The following BABAM2 variants were observed in gnomAD, a reference collection of about 807,000 sequenced individuals.
The protein encoded by BABAM2 is BRISC and BRCA1 A complex member 2.
BABAM2 carries 31 observed loss-of-function variants against 54.7 expected under a neutral mutation model. That is an observed-to-expected ratio of 0.57 (90% CI 0.43 to 0.77). The LOEUF (loss-of-function observed/expected upper bound fraction) is 0.77. Ranked by LOEUF, BABAM2 falls within the 30% of genes least tolerant of loss-of-function variation. The pLI is 0.00. For synonymous variants in BABAM2, 167 were observed against 162.9 expected, an observed-to-expected ratio of 1.03 and a Z score of -0.19; for missense variants, 364 against 455.8, an observed-to-expected ratio of 0.80 and a Z score of 1.83.
At chr2:27,962,030 C>G (rs917059289) in intron 3 of BABAM2, among the ~76,000 whole-genome samples, 5 of 151,974 alleles carry the variant, frequency 3.3e-5, no homozygotes, top group African/African-American at 1.2e-4. Flanking sequence ...ATGCCTGGCC[C>G]CCCTTAATTA....
At chr2:28,266,670 G>A (rs865959727) in intron 10 of BABAM2, among the ~76,000 whole-genome samples, 2 of 152,226 alleles carry the variant, frequency 1.3e-5, no homozygotes, top group African/African-American at 2.4e-5. Context: ...TAAAAGGTTG[G>A]CATTGTCACA....
At chr2:28,223,875 G>C (rs1573876899) in intron 7 of BABAM2, among the ~76,000 whole-genome samples, 1 of 152,148 alleles carries the variant, frequency 6.6e-6, no homozygotes, top group Non-Finnish European at 1.5e-5. Flanking sequence ...TCTCCACCCT[G>C]AGATTCCAAT....
At chr2:27,974,746 G>T (rs946137410) in intron 3 of BABAM2, among the ~76,000 whole-genome samples, 34 of 152,016 alleles carry the variant, frequency 2.2e-4, no homozygotes, top group Admixed American at 2.0e-3. Flanking sequence ...ACTGGAAGTT[G>T]CAGGAAGTCA....
intron 7 of BABAM2, among the ~76,000 whole-genome samples, chr2:28,179,951 T>A (rs1639246325): frequency 6.6e-6 from 1 of 152,026 alleles, no homozygotes; most frequent in Admixed American, 6.6e-5. Context: ...AAAACATTGA[T>A]GAAAGAAATT....
At chr2:28,108,400 A>G (rs992324338) in intron 6 of BABAM2, among the ~76,000 whole-genome samples, 1 of 152,232 alleles carries the variant, frequency 6.6e-6, no homozygotes, top group African/African-American at 2.4e-5. Context: ...TCATTTATGC[A>G]TCGTGAAATG....
chr2:28,235,910 T>C (rs1430382213), intron 7 of BABAM2, among the ~76,000 whole-genome samples: 1 of 152,154 alleles, frequency 6.6e-6, no homozygotes, highest in African/African-American at 2.4e-5. Flanking sequence ...TTTGCCAACC[T>C]CAGCCTCCCA....
rs147815098 is a variant in BABAM2, at chr2:28,263,105, T to C, written c.934+18243T>C. Among the ~76,000 whole-genome samples the C allele has an allele frequency of 8.1e-4, 120 of 147,438 alleles. 1 individual carries two copies. The highest frequency in any genetic ancestry group is 2.5e-3 in the African/African-American group (100 of 39,612). On this transcript the variant is annotated intron_variant, in intron 10 of 11. Coordinates refer to ENST00000379624, the MANE Select transcript of BABAM2 (RefSeq NM_199191.3). Reference sequence around the variant, plus strand: ...AAAAAATATGGTATGATTCCACTTATTTGAGGTAACAGCAAGACACTGTCT... The same window carrying C: ...AAAAAATATGGTATGATTCCACTTACTTGAGGTAACAGCAAGACACTGTCT...
chr2:28,111,337 G>A (rs1668007646), intron 6 of BABAM2, among the ~76,000 whole-genome samples: 2 of 151,934 alleles, frequency 1.3e-5, no homozygotes, highest in African/African-American at 4.8e-5. Flanking sequence ...GCCCGTTTTT[G>A]AATTGAGGTT....
chr2:28,139,321 CAAAAAA>C (rs768755922), intron 7 of BABAM2, among the ~76,000 whole-genome samples: 15 of 87,082 alleles, frequency 1.7e-4, no homozygotes, highest in South Asian at 7.5e-4. Context: ...AACTCCGTCT[CAAAAAA>C]AAAAAAAAAA....
intron 3 of BABAM2, among the ~76,000 whole-genome samples, chr2:27,951,495 A>G (rs1328989332): frequency 6.6e-6 from 1 of 152,176 alleles, no homozygotes; most frequent in East Asian, 1.9e-4. Flanking sequence ...TGTATGACTT[A>G]CATCCTTTTA....
chr2:28,057,545 C>T (rs1678527574), intron 6 of BABAM2, among the ~76,000 whole-genome samples: 1 of 151,784 alleles, frequency 6.6e-6, no homozygotes, highest in African/African-American at 2.4e-5. Context: ...GAGTTTTCTT[C>T]ACCCACATCT....
At chr2:27,888,817 C>T (rs540444728), upstream of BABAM2, among the ~76,000 whole-genome samples, 42 of 152,226 alleles carry the variant, frequency 2.8e-4, no homozygotes, top group African/African-American at 8.9e-4. Flanking sequence ...TGACCACATA[C>T]GGCTTGCAAA....
intron 7 of BABAM2, among the ~76,000 whole-genome samples, chr2:28,130,904 T>C (rs1027971719): frequency 3.3e-5 from 5 of 151,856 alleles, no homozygotes; most frequent in African/African-American, 1.2e-4. Context: ...CACGCCCAGC[T>C]AATTTTTTGT....
intron 3 of BABAM2, among the ~76,000 whole-genome samples, chr2:27,952,673 T>C (rs1669820529): frequency 6.6e-6 from 1 of 152,170 alleles, no homozygotes; most frequent in Non-Finnish European, 1.5e-5. Context: ...TTGGGACATA[T>C]TATGGGTGCT....
At position 28,315,461 on chromosome 2, in the gene BABAM2, CTTTTCTTTTCTTTTCT is replaced by C. The variant is rs1442668240; in HGVS notation, c.1088+16974_1088+16989del. On this transcript the variant is annotated intron_variant, in intron 11 of 11. Transcript: ENST00000379624. ...CTTTTCTTTTCTTTTCTTTTCTTTT[CTTTTCTTTTCTTTTCT>C]TTTCTTTTCGAGACAGAGTCTCACT... Among the ~76,000 whole-genome samples, 3 of 126,838 alleles carry C rather than the reference CTTTTCTTTTCTTTTCT, an allele frequency of 2.4e-5. No individual in the cohort carries two copies. The East Asian group carries it at 6.7e-4, about 28-fold the overall frequency. The allele number at this position is 126,838 out of a possible 152,430, so 83.2% of individuals were successfully genotyped here.
chr2:27,967,888 G>A (rs1013788439), intron 3 of BABAM2, among the ~76,000 whole-genome samples: 63 of 152,294 alleles, frequency 4.1e-4, no homozygotes, highest in African/African-American at 1.3e-3. Flanking sequence ...GGTTTCCAGC[G>A]GAAGAAATTT....
At chr2:28,227,368 C>A (rs1375891986) in intron 7 of BABAM2, among the ~76,000 whole-genome samples, 1 of 152,108 alleles carries the variant, frequency 6.6e-6, no homozygotes. Flanking sequence ...CGGTGTGGTG[C>A]AGGACGCATG....
At chr2:27,967,218 A>G (rs1436951307) in intron 3 of BABAM2, among the ~76,000 whole-genome samples, 1 of 152,094 alleles carries the variant, frequency 6.6e-6, no homozygotes, top group Non-Finnish European at 1.5e-5. Flanking sequence ...TTGAATTCCC[A>G]TGTGTTGTGG....
intron 10 of BABAM2, among the ~76,000 whole-genome samples, chr2:28,246,012 A>G (rs983332437): frequency 6.6e-6 from 1 of 152,226 alleles, no homozygotes; most frequent in Non-Finnish European, 1.5e-5. Context: ...GTAAAACCTT[A>G]TCATGGTAAA....
Sources: allele counts gnomAD v4.1 joint callset (sites outside exome capture counted in the v4.1 genomes callset), GRCh38; gene constraint gnomAD v4.1.1; transcripts MANE v1.5; gene names NCBI Gene and HGNC (gene_info 2026-07-23, HGNC 2026-07-21).